Variants in KLHL2 observed in about 807,000 individuals in gnomAD.
KLHL2 encodes the protein kelch like family member 2, also known as kelch-like protein 2.
In KLHL2, 15 loss-of-function variants were observed where a neutral mutation model predicts 75.8. The observed-to-expected ratio is 0.20, with a 90% CI of 0.13 to 0.30. The LOEUF is 0.30. KLHL2 is among the 10% of genes least tolerant of loss of function. KLHL2 has a pLI of 1.00. For missense variants in KLHL2, 381 were observed against 741.0 expected, an observed-to-expected ratio of 0.51 and a Z score of 5.64; for synonymous variants, 214 against 251.9, an observed-to-expected ratio of 0.85 and a Z score of 1.42.
At chr4:165,294,710 A>G (rs1257238490) in intron 6 of KLHL2, among the ~76,000 whole-genome samples, 1 of 152,160 alleles carries the variant, frequency 6.6e-6, no homozygotes, top group Non-Finnish European at 1.5e-5. Flanking sequence ...GAGGTTCCCT[A>G]AATTTTTAGC....
chr4:165,244,614 C>G (rs181461287), intron 4 of KLHL2, among the ~76,000 whole-genome samples: 3 of 152,052 alleles, frequency 2.0e-5, no homozygotes, highest in Non-Finnish European at 4.4e-5. Context: ...GATAAGTACT[C>G]GGTCCTGGTG....
intron 4 of KLHL2, among the ~76,000 whole-genome samples, chr4:165,242,131 G>A (rs567844264): frequency 4.6e-4 from 70 of 152,148 alleles, no homozygotes; most frequent in African/African-American, 1.6e-3. Flanking sequence ...GGAGATAAAA[G>A]GAGAACCAAT....
chr4:165,267,405 C>T (rs1308395467), intron 5 of KLHL2, among the ~76,000 whole-genome samples: 7 of 151,912 alleles, frequency 4.6e-5, no homozygotes, highest in Non-Finnish European at 1.0e-4. Context: ...TCAAAGGGAA[C>T]GCTTCCAGTT....
chr4:165,242,517 A>G (rs2111120400), intron 4 of KLHL2, among the ~76,000 whole-genome samples: 1 of 152,174 alleles, frequency 6.6e-6, no homozygotes, highest in African/African-American at 2.4e-5. Context: ...TATTTTATTG[A>G]GACAGAGTCT....
chr4:165,233,052 G>A, intron 3 of KLHL2, among the ~76,000 whole-genome samples: 1 of 151,944 alleles, frequency 6.6e-6, no homozygotes. Context: ...AGGAAATGGG[G>A]AATATGCAGA....
chr4:165,210,033 G>T lies in KLHL2; in HGVS notation c.26+2131G>T, dbSNP rs1737097375. On this transcript the variant is annotated intron_variant, in intron 1 of 14. Transcript: ENST00000226725. ...TACCGGGCCTCACTGCCAGAGCTGG[G>T]CTAGAACAGAGGCCAGTGGAAACTA... The T allele has an allele frequency of 2.6e-6, 4 of 1,546,054 alleles. No homozygotes were observed. The African/African-American group carries it at 4.1e-5, about 16-fold the overall frequency.
In KLHL2 at chr4:165,310,593, C is replaced by A; in HGVS notation, c.1080C>A (p.Gly360=). 1 of 1,614,004 alleles carries A rather than the reference C, an allele frequency of 6.2e-7. No individual in the cohort carries two copies. The highest frequency in any genetic ancestry group is 1.7e-5 in the Admixed American group (1 of 60,016). ...CTGGACTTGTTTTTGCTGTTGGTGG[C>A]TTTAATGGCTCATTAAGAGTTCGCA... ...YMAGLVFAVG[G]FNGSLRVRTV... The change falls in exon 10 of 15, where the codon GGC becomes GGA. Residue 360 remains glycine, a synonymous_variant. Coordinates refer to ENST00000226725, the MANE Select transcript of KLHL2 (RefSeq NM_007246.4).
At chr4:165,210,102 G>A (rs1737103261) in intron 1 of KLHL2, 1 of 1,551,616 alleles carries the variant, frequency 6.4e-7, no homozygotes, top group Non-Finnish European at 8.7e-7. Context: ...TTTAGCCTGA[G>A]CTTTAAGTCA....
intron 7 of KLHL2, among the ~76,000 whole-genome samples, chr4:165,298,826 A>G (rs763510639): frequency 3.8e-4 from 57 of 151,996 alleles, no homozygotes; most frequent in Non-Finnish European, 4.4e-5. Context: ...AGTCCCAGCT[A>G]CTCAAGAAGG....
chr4:165,209,389 A>G (rs1168964029), intron 1 of KLHL2: 1 of 152,234 alleles, frequency 6.6e-6, no homozygotes, highest in African/African-American at 2.4e-5. Flanking sequence ...CTTCTACATA[A>G]GTTCCTGCAG....
intron 4 of KLHL2, among the ~76,000 whole-genome samples, chr4:165,261,809 C>T (rs1354645067): frequency 1.3e-5 from 2 of 152,080 alleles, no homozygotes; most frequent in African/African-American, 2.4e-5. Flanking sequence ...AGGACTTACT[C>T]CATAGATTTA....
At chr4:165,297,988 A>G (rs1745045179) in intron 7 of KLHL2, among the ~76,000 whole-genome samples, 1 of 152,148 alleles carries the variant, frequency 6.6e-6, no homozygotes, top group South Asian at 2.1e-4. Context: ...AACCCCAGCT[A>G]ATTTTTGTAT....
chr4:165,301,639 T>C (rs1283644466), intron 8 of KLHL2, among the ~76,000 whole-genome samples: 1 of 152,226 alleles, frequency 6.6e-6, no homozygotes, highest in Non-Finnish European at 1.5e-5. Flanking sequence ...TACAAAATAA[T>C]CCATTTATAA....
intron 4 of KLHL2, chr4:165,252,556 A>G (rs1187246951): frequency 6.6e-6 from 1 of 152,254 alleles, no homozygotes; most frequent in Non-Finnish European, 1.5e-5. Flanking sequence ...CTTAGGCTAT[A>G]TAATTTATGA....
At chr4:165,211,998 T>C (rs532573954) in intron 1 of KLHL2, among the ~76,000 whole-genome samples, 1 of 152,340 alleles carries the variant, frequency 6.6e-6, no homozygotes, top group South Asian at 2.1e-4. Context: ...CCACTGAACT[T>C]CTTTCTTAAG....
intron 10 of KLHL2, 111 bp downstream of exon 10, chr4:165,310,861 T>G (rs1358007368): frequency 7.0e-6 from 6 of 856,248 alleles, no homozygotes; most frequent in African/African-American, 5.1e-5. Flanking sequence ...TTGTGTTTTT[T>G]TTTTTTTTTT....
At chr4:165,296,952 G>A (rs778843826) in intron 6 of KLHL2, among the ~76,000 whole-genome samples, 1 of 151,580 alleles carries the variant, frequency 6.6e-6, no homozygotes, top group Non-Finnish European at 1.5e-5. Flanking sequence ...ATAAAAGGTT[G>A]CCAAAATGTA....
chr4:165,319,548 G>C lies in KLHL2; in HGVS notation c.1753+1579G>C, dbSNP rs1579198941. Among the ~76,000 whole-genome samples, 3 of 152,180 alleles carry C rather than the reference G, an allele frequency of 2.0e-5. No homozygotes were observed. The highest frequency in any genetic ancestry group is 7.2e-5 in the African/African-American group (3 of 41,448). On this transcript the variant is annotated intron_variant, in intron 14 of 14. Transcript: ENST00000226725. The surrounding 1 kb of genome is among the most constrained non-coding windows in gnomAD (Gnocchi z 4.5). ...TGAAGCCGTCCCTGCAGCCATCCCA[G>C]CAGTTTTGAAAACTTCACACTTTTT...
chr4:165,282,807 T>C (rs964075519), intron 5 of KLHL2, among the ~76,000 whole-genome samples: 66 of 149,990 alleles, frequency 4.4e-4, no homozygotes, highest in African/African-American at 1.6e-3. Context: ...ACAGAAGAAC[T>C]TCTAATAGTA....
Sources: gnomAD v4.1 joint callset for allele counts (sites outside exome capture counted in the v4.1 genomes callset) on GRCh38, gnomAD v4.1.1 for gene constraint, Gnocchi (gnomAD v3.1) non-coding constraint, MANE v1.5 for transcripts, NCBI Gene and HGNC (gene_info 2026-07-23, HGNC 2026-07-21) for gene names.